Variants in PLEKHA5 observed in about 807,000 individuals in gnomAD.
PLEKHA5 encodes pleckstrin homology domain-containing family A member 5.
PLEKHA5 carries 55 observed loss-of-function variants against 181.9 expected under a neutral mutation model. The ratio of observed to expected loss-of-function variants is 0.30; its 90% CI spans 0.24 to 0.38. The LOEUF (loss-of-function observed/expected upper bound fraction) is 0.38. Ranked by LOEUF, PLEKHA5 falls within the 10% of genes least tolerant of loss-of-function variation. PLEKHA5 has a pLI of 1.00. For synonymous variants in PLEKHA5, 535 were observed against 529.4 expected, an observed-to-expected ratio of 1.01 and a Z score of -0.15; for missense variants, 1,432 against 1,549.5, an observed-to-expected ratio of 0.92 and a Z score of 1.27.
intron 3 of PLEKHA5, among the ~76,000 whole-genome samples, chr12:19,148,491 C>T (rs11832638): frequency 0.027 from 4,156 of 152,318 alleles, 192 homozygotes; most frequent in African/African-American, 0.094. Context: ...GTGTGGGCGA[C>T]GGGCCTAGCA....
At chr12:19,219,191 T>A (rs1402297485) in intron 3 of PLEKHA5, among the ~76,000 whole-genome samples, 1 of 152,158 alleles carries the variant, frequency 6.6e-6, no homozygotes, top group Non-Finnish European at 1.5e-5. Flanking sequence ...CTGCAAGGAC[T>A]TGCATATGCA....
chr12:19,170,081 T>G (rs2045538390), intron 3 of PLEKHA5, among the ~76,000 whole-genome samples: 1 of 152,208 alleles, frequency 6.6e-6, no homozygotes, highest in Non-Finnish European at 1.5e-5. Context: ...AGCCCTGAGT[T>G]AACCATTTTT....
intron 3 of PLEKHA5, among the ~76,000 whole-genome samples, chr12:19,214,752 G>A (rs1054108642): frequency 2.0e-5 from 3 of 152,070 alleles, no homozygotes; most frequent in Non-Finnish European, 4.4e-5. Flanking sequence ...GAAAGCAAAT[G>A]AAAGAGTTGT....
In PLEKHA5 at chr12:19,283,653, T is replaced by A; in HGVS notation, c.1687T>A (p.Ser563Thr). Reference protein sequence around the residue: ...HGSIAAYQGYSPQRTYRSEVS... With the variant: ...HGSIAAYQGYTPQRTYRSEVS... The stretch of plus-strand genomic sequence containing the variant: ...GTCAATAGCTGCTTATCAGGGATAC[T>A]CCCCTCAACGAACTTACAGATCGGA... Residue 563 changes from serine (S) to threonine (T), a missense_variant, in exon 12 of 32, where the codon TCC (serine) becomes ACC (threonine). Physicochemically the swap from Ser to Thr is moderately conservative, Grantham distance 58. Coordinates refer to ENST00000429027, the MANE Select transcript of PLEKHA5 (RefSeq NM_001256470.2). The A allele has an allele frequency of 6.2e-7, 1 of 1,614,014 alleles. No homozygotes were observed. Among genetic ancestry groups the A allele is most frequent in the Non-Finnish European group, 8.5e-7 (1 of 1,179,936 alleles).
At chr12:19,292,279 G>A (rs377528814) in intron 15 of PLEKHA5, among the ~76,000 whole-genome samples, 2 of 152,280 alleles carry the variant, frequency 1.3e-5, no homozygotes, top group South Asian at 2.1e-4. Context: ...CACAGTGAAC[G>A]TCTGTAATCC....
At chr12:19,269,440 A>G (rs1483299663) in intron 8 of PLEKHA5, among the ~76,000 whole-genome samples, 1 of 150,868 alleles carries the variant, frequency 6.6e-6, no homozygotes, top group South Asian at 2.1e-4. Flanking sequence ...GGAAATTGCT[A>G]GAAATGTGGA....
intron 3 of PLEKHA5, among the ~76,000 whole-genome samples, chr12:19,179,732 A>G (rs942511770): frequency 5.3e-5 from 8 of 152,166 alleles, no homozygotes; most frequent in African/African-American, 9.7e-5. Context: ...TTTCCCTGGT[A>G]TATGGGGGAG....
At chr12:19,179,863 A>T (rs1357693952) in intron 3 of PLEKHA5, among the ~76,000 whole-genome samples, 1 of 152,140 alleles carries the variant, frequency 6.6e-6, no homozygotes, top group Non-Finnish European at 1.5e-5. Flanking sequence ...CTGAAAAAAA[A>T]TTAGAAAAAT....
intron 3 of PLEKHA5, chr12:19,243,493 A>G (rs2063070539): frequency 6.6e-6 from 1 of 152,238 alleles, no homozygotes; most frequent in African/African-American, 2.4e-5. Flanking sequence ...GGTGATCATA[A>G]TATTTATTGC....
chr12:19,247,113 A>G (rs947656822), intron 3 of PLEKHA5, among the ~76,000 whole-genome samples: 1 of 152,220 alleles, frequency 6.6e-6, no homozygotes, highest in Non-Finnish European at 1.5e-5. Context: ...AGGGAAAACC[A>G]TAGCAATGTC....
In PLEKHA5 at chr12:19,314,836, T is replaced by C. The variant is rs1487518551; in HGVS notation, c.2060T>C (p.Ile687Thr). The C allele has an allele frequency of 6.5e-7, 1 of 1,545,412 alleles. No individual in the cohort carries two copies. Among genetic ancestry groups the C allele is most frequent in the East Asian group, 2.4e-5 (1 of 40,850 alleles). The change falls in exon 16 of 32, where the codon ATC (isoleucine) becomes ACC (threonine). Residue 687 changes from isoleucine (I) to threonine (T), a missense_variant. Around this residue, in one of 2 missense-constraint regions of PLEKHA5, gnomAD observed 1,143 missense variants for 1,168.4 expected, o/e 0.98. Transcript: ENST00000429027. ...TAGATGAAAGAAAATGAACCTATTA[T>C]CACCATGGTTCACACAATGATTGAG... ...DHQMKENEPI[I>T]TMVHTMIENS...
At chr12:19,289,106 G>C (rs1221108688) in intron 13 of PLEKHA5, among the ~76,000 whole-genome samples, 1 of 152,148 alleles carries the variant, frequency 6.6e-6, no homozygotes, top group African/African-American at 2.4e-5. Flanking sequence ...GACTATCCTA[G>C]CATCATGAGG....
intron 3 of PLEKHA5, chr12:19,201,802 G>A (rs956013377): frequency 3.9e-5 from 6 of 152,140 alleles, no homozygotes; most frequent in Admixed American, 2.0e-4. Flanking sequence ...TAGGGCTGGT[G>A]GTGGACGTGG....
intron 3 of PLEKHA5, among the ~76,000 whole-genome samples, chr12:19,148,297 T>C (rs1179024516): frequency 6.6e-6 from 1 of 152,210 alleles, no homozygotes. Context: ...CCTCAAGTGA[T>C]CCACCCGCCT....
chr12:19,166,549 G>C (rs1272337228), intron 3 of PLEKHA5, among the ~76,000 whole-genome samples: 4 of 152,102 alleles, frequency 2.6e-5, no homozygotes, highest in African/African-American at 9.6e-5. Context: ...TACCTTACCT[G>C]ACTAGTGGCT....
intron 3 of PLEKHA5, among the ~76,000 whole-genome samples, chr12:19,137,628 G>A (rs1002634705): frequency 1.3e-5 from 2 of 152,180 alleles, no homozygotes; most frequent in African/African-American, 2.4e-5. Context: ...AGGCACTTCA[G>A]CATAGCATTA....
At chr12:19,320,326 T>C (rs561769546) in intron 17 of PLEKHA5, among the ~76,000 whole-genome samples, 2 of 152,158 alleles carry the variant, frequency 1.3e-5, no homozygotes, top group Non-Finnish European at 2.9e-5. Flanking sequence ...CATATTATTA[T>C]GTTTAACAAG....
rs543810486 is a variant in PLEKHA5, at chr12:19,341,515, G to A, written c.2551-1808G>A. 2.0e-5 allele frequency among the ~76,000 whole-genome samples: 3 copies of A among 151,808 alleles called. No homozygotes were observed. The East Asian group carries it at 5.8e-4, about 29-fold the overall frequency. On this transcript the variant is annotated intron_variant, in intron 21 of 31. Coordinates refer to ENST00000429027, the MANE Select transcript of PLEKHA5 (RefSeq NM_001256470.2). ...TCAGTATTTACATCTCTGGGCTGTC[G>A]TTGTGTTTGGCTCTTGCATGGGTAC...
intron 20 of PLEKHA5, among the ~76,000 whole-genome samples, chr12:19,331,404 A>G (rs979064938): frequency 1.3e-5 from 2 of 152,108 alleles, no homozygotes; most frequent in African/African-American, 4.8e-5. Flanking sequence ...AGATCTCCCT[A>G]TGTTGCCCAG....
Sources: gnomAD v4.1 joint callset for allele counts (sites outside exome capture counted in the v4.1 genomes callset) on GRCh38, gnomAD v4.1.1 for gene constraint, gnomAD v4.1.1 regional missense constraint, MANE v1.5 for transcripts, NCBI Gene and HGNC (gene_info 2026-07-23, HGNC 2026-07-21) for gene names.